SRGAP3: variants seen among roughly 807,000 people sequenced by gnomAD.
The protein encoded by SRGAP3 is SLIT-ROBO Rho GTPase-activating protein 3.
In SRGAP3, 39 loss-of-function variants were observed where a neutral mutation model predicts 121.1. The observed-to-expected ratio is 0.32, with a 90% CI of 0.25 to 0.42. The LOEUF (loss-of-function observed/expected upper bound fraction) is 0.42. Among genes scored for constraint, SRGAP3 ranks in the 10% least tolerant of loss-of-function variants. SRGAP3 has a pLI of 1.00. For missense variants in SRGAP3, 1,213 were observed against 1,470.6 expected, an observed-to-expected ratio of 0.82 and a Z score of 2.86; for synonymous variants, 601 against 570.0, an observed-to-expected ratio of 1.05 and a Z score of -0.77.
intron 3 of SRGAP3, among the ~76,000 whole-genome samples, chr3:9,085,005 T>G (rs995841790): frequency 1.3e-5 from 2 of 152,204 alleles, no homozygotes; most frequent in Non-Finnish European, 2.9e-5. Flanking sequence ...CATCTTAGCT[T>G]TCCTGACTGT....
At chr3:9,259,288 T>C (rs1954202828) in intron 3 of SRGAP3, among the ~76,000 whole-genome samples, 2 of 151,836 alleles carry the variant, frequency 1.3e-5, no homozygotes, top group South Asian at 2.1e-4. Flanking sequence ...AATTTTTTCT[T>C]TTTTTTTAGA....
intron 18 of SRGAP3, among the ~76,000 whole-genome samples, 159 bp from the exon 19 acceptor site, chr3:8,994,682 G>T (rs1942281815): frequency 6.6e-6 from 1 of 152,156 alleles, no homozygotes; most frequent in African/African-American, 2.4e-5. Context: ...GGACCCTGGG[G>T]TCCTAGCCTC....
intron 11 of SRGAP3, chr3:9,035,316 CA>C (rs1029656954): frequency 1.2e-5 from 2 of 161,152 alleles, no homozygotes; most frequent in African/African-American, 4.8e-5. Context: ...TTAAATTCTA[CA>C]AAGTGGAAAA....
At chr3:9,278,568 T>G (rs1230498266) in intron 3 of SRGAP3, among the ~76,000 whole-genome samples, 3 of 152,318 alleles carry the variant, frequency 2.0e-5, no homozygotes, top group Admixed American at 6.5e-5. Flanking sequence ...TGGTGGTGTA[T>G]GTCACGAGAA....
At chr3:9,225,295 C>G (rs1310643286) in intron 1 of SRGAP3, among the ~76,000 whole-genome samples, 1 of 152,156 alleles carries the variant, frequency 6.6e-6, no homozygotes, top group Non-Finnish European at 1.5e-5. Context: ...CCCAACACCA[C>G]CTTCTCAGGG....
chr3:8,994,389 C>T lies in SRGAP3; in HGVS notation c.2362G>A (p.Gly788Ser), dbSNP rs773096168. ...TGATGGGGGATGAGTCCATCCACGC[C>T]GTTGTGCCGGCCCTCCCACCAGTCC... ...SEDWWEGRHN[G>S]VDGLIPHQYI... Residue 788 changes from glycine (G) to serine (S), a missense_variant, in exon 19 of 22, where the codon GGC becomes AGC. Gly to Ser is a moderately conservative substitution (Grantham distance 56). Around this residue, in one of 2 missense-constraint regions of SRGAP3, gnomAD observed 793 missense variants for 1,032.9 expected, o/e 0.77. Coordinates refer to ENST00000383836, the MANE Select transcript of SRGAP3 (RefSeq NM_014850.4). 18 of 1,614,092 alleles carry T rather than the reference C, an allele frequency of 1.1e-5. No individual in the cohort carries two copies. Among genetic ancestry groups the T allele is most frequent in the African/African-American group, 6.7e-5 (5 of 74,944 alleles).
Position 8,982,026 on chromosome 3 carries a change from GA to G in SRGAP3, c.*3492del. 2 of 226,204 alleles carry G rather than the reference GA, an allele frequency of 8.8e-6. No homozygotes were observed. Among genetic ancestry groups the G allele is most frequent in the East Asian group, 6.4e-5 (1 of 15,748 alleles). 14.0% of individuals were successfully genotyped at this position (226,204 alleles called of 1,614,324 possible). ...ACAGCTCAGAGCAGCTCTTTAAGAG[GA>G]AAAGGGAATAAAAGGGGACGGGGAG... On this transcript the variant is annotated 3_prime_UTR_variant, in exon 22 of 22. Coordinates refer to ENST00000383836, the MANE Select transcript of SRGAP3 (RefSeq NM_014850.4).
chr3:9,079,262 G>A (rs963745311), intron 4 of SRGAP3, among the ~76,000 whole-genome samples: 4 of 152,096 alleles, frequency 2.6e-5, no homozygotes, highest in Admixed American at 2.6e-4. Flanking sequence ...GGATTGAGGG[G>A]CCTGGAGCTC....
intron 3 of SRGAP3, among the ~76,000 whole-genome samples, chr3:9,085,134 C>G (rs1366328031): frequency 6.6e-6 from 1 of 152,230 alleles, no homozygotes; most frequent in Admixed American, 6.5e-5. Context: ...GGCAAAGAGA[C>G]TTTCTCTCTG....
intron 1 of SRGAP3, chr3:9,330,637 G>A (rs1206036231): frequency 1.3e-5 from 2 of 152,160 alleles, no homozygotes; most frequent in African/African-American, 4.8e-5. Context: ...ATTTAAAGGA[G>A]TTTAATTGAG....
chr3:9,047,848 T>C (rs74436329), intron 9 of SRGAP3, among the ~76,000 whole-genome samples: 2,288 of 152,206 alleles, frequency 0.015, 59 homozygotes, highest in African/African-American at 0.053. Context: ...CCAAGAGCAA[T>C]AAAAATGGGA....
intron 1 of SRGAP3, among the ~76,000 whole-genome samples, chr3:9,127,904 TGAAAA>T (rs1050469633): frequency 9.6e-5 from 13 of 134,926 alleles, no homozygotes; most frequent in East Asian, 2.1e-4. Flanking sequence ...ACTCCTGTAA[TGAAAA>T]GAAAAGAAAA....
chr3:9,320,463 G>A (rs1955421136), intron 3 of SRGAP3, among the ~76,000 whole-genome samples: 1 of 151,690 alleles, frequency 6.6e-6, no homozygotes, highest in Non-Finnish European at 1.5e-5. Flanking sequence ...AGATCTGGCT[G>A]TTTAAAAGTG....
At chr3:9,333,006 C>T (rs1489284831) in intron 1 of SRGAP3, among the ~76,000 whole-genome samples, 2 of 152,106 alleles carry the variant, frequency 1.3e-5, no homozygotes, top group African/African-American at 2.4e-5. Context: ...TAACAACATT[C>T]GCAACCACAA....
At chr3:9,051,328 C>T (rs1219792352) in intron 9 of SRGAP3, among the ~76,000 whole-genome samples, 1 of 152,184 alleles carries the variant, frequency 6.6e-6, no homozygotes, top group African/African-American at 2.4e-5. Flanking sequence ...ATATTTTTAA[C>T]AACTCTGTCT....
At chr3:9,307,740 G>T (rs1955181383) in intron 3 of SRGAP3, among the ~76,000 whole-genome samples, 1 of 152,170 alleles carries the variant, frequency 6.6e-6, no homozygotes, top group Non-Finnish European at 1.5e-5. Context: ...AACCTCAGGG[G>T]CATATTTAAA....
chr3:9,203,075 G>A (rs1195753296), intron 1 of SRGAP3, among the ~76,000 whole-genome samples: 1 of 152,176 alleles, frequency 6.6e-6, no homozygotes, highest in African/African-American at 2.4e-5. Flanking sequence ...CCGATCCTGA[G>A]AGTAATCCTC....
intron 9 of SRGAP3, among the ~76,000 whole-genome samples, chr3:9,051,088 A>G (rs1313986939): frequency 1.4e-5 from 2 of 139,394 alleles, no homozygotes; most frequent in African/African-American, 5.4e-5. Flanking sequence ...GTGCAGTGGT[A>G]CAATCACAGT....
rs532451577 is a variant in SRGAP3 at position 9,091,894 on chromosome 3, C to T, written c.424-11807G>A. On this transcript the variant is annotated intron_variant, in intron 3 of 21. Coordinates refer to ENST00000383836, the MANE Select transcript of SRGAP3 (RefSeq NM_014850.4). ...CTTTCCCTTCCCACACTAATTTATG[C>T]CTCCTGTTGCTGAACTCCAAATGTT... is the stretch of plus-strand genomic sequence containing the variant. Among the ~76,000 whole-genome samples the T allele has an allele frequency of 4.5e-4, 69 of 152,264 alleles. 2 individuals are homozygous for T. The South Asian group carries it at 0.014, about 30-fold the overall frequency.
Sources: gnomAD v4.1 joint callset for allele counts (sites outside exome capture counted in the v4.1 genomes callset) on GRCh38, gnomAD v4.1.1 for gene constraint, gnomAD v4.1.1 regional missense constraint, MANE v1.5 for transcripts, NCBI Gene and HGNC (gene_info 2026-07-23, HGNC 2026-07-21) for gene names.